Variants in RYR3 observed in about 807,000 individuals in gnomAD.
RYR3 encodes brain ryanodine receptor-calcium release channel.
A neutral mutation model predicts 584.3 loss-of-function variants in RYR3; 207 were observed. The ratio of observed to expected loss-of-function variants is 0.35; its 90% CI spans 0.32 to 0.40. The LOEUF is 0.40. RYR3 is among the 10% of genes least tolerant of loss of function. RYR3 has a pLI of 1.00. For synonymous variants in RYR3, 2,416 were observed against 2,248.5 expected, an observed-to-expected ratio of 1.07 and a Z score of -2.11; for missense variants, 5,616 against 6,089.2, an observed-to-expected ratio of 0.92 and a Z score of 2.59.
rs944426724 is a variant in RYR3, at chr15:33,790,343, G to A, written c.9830+1885G>A. 2.6e-5 allele frequency among the ~76,000 whole-genome samples: 4 copies of A among 152,060 alleles called. No homozygotes were observed. In the East Asian group the frequency reaches 7.7e-4, roughly 29 times the overall value. ...GTTTGTTTTTCTGTAAGTTGATGGT[G>A]GCTGAGGCCAAGATGGTAGCAGTGA... On this transcript the variant is annotated intron_variant, in intron 67 of 103. Transcript: ENST00000634891.
At chr15:33,774,447 T>C (rs960127831) in intron 64 of RYR3, among the ~76,000 whole-genome samples, 3 of 152,220 alleles carry the variant, frequency 2.0e-5, no homozygotes, top group African/African-American at 7.2e-5. Context: ...GTATAATGCT[T>C]TTATCAAACA....
At chr15:33,372,904 C>T (rs2040445631) in intron 1 of RYR3, among the ~76,000 whole-genome samples, 1 of 152,218 alleles carries the variant, frequency 6.6e-6, no homozygotes, top group African/African-American at 2.4e-5. Flanking sequence ...TCTCCAAAGT[C>T]ATAAGAATTG....
chr15:33,653,994 A>G lies in RYR3; in HGVS notation c.4308+1111A>G, dbSNP rs151284354. 1.4e-4 allele frequency among the ~76,000 whole-genome samples: 21 copies of G among 152,326 alleles called. 1 individual carries two copies. In the East Asian group the frequency reaches 1.9e-3, roughly 14 times the overall value. ...GCACTTTTTTTAATTTTAAGAATCA[A>G]TAATGTTCTATGAACCTAGAGTTCC... On this transcript the variant is annotated intron_variant, in intron 32 of 103. Coordinates refer to ENST00000634891, the MANE Select transcript of RYR3 (RefSeq NM_001036.6).
rs1301314444 is a variant in RYR3, at chr15:33,773,453, A to G, written c.9056-81A>G. On this transcript the variant is annotated intron_variant, in intron 63 of 103. Transcript: ENST00000634891. ...GATCTTTTACTCTTTACTGATGCTC[A>G]TGCATTTTTTTTTTCCTCTTCATGG... 6.5e-6 allele frequency: 6 copies of G among 919,128 alleles called. No individual in the cohort carries two copies. In the South Asian group the frequency reaches 7.0e-5, roughly 11 times the overall value. 56.9% of individuals were successfully genotyped at this position (919,128 alleles called of 1,614,324 possible).
At chr15:33,496,272 T>C (rs1022222282) in intron 2 of RYR3, among the ~76,000 whole-genome samples, 3 of 152,154 alleles carry the variant, frequency 2.0e-5, no homozygotes, top group Admixed American at 1.3e-4. Flanking sequence ...GGGACCGAGT[T>C]CATCTCCACC....
intron 38 of RYR3, among the ~76,000 whole-genome samples, chr15:33,679,162 G>T (rs2339297): frequency 1.7e-4 from 16 of 94,904 alleles, no homozygotes; most frequent in Admixed American, 9.5e-5. Flanking sequence ...CCTCCCCCCC[G>T]CCCCCTGTAA....
chr15:33,745,941 G>A, intron 52 of RYR3, 127 bp from the exon 53 acceptor site: 1 of 686,418 alleles, frequency 1.5e-6, no homozygotes, highest in South Asian at 1.7e-5. Context: ...GCATTTTTGA[G>A]GAGAATTTCT....
At chr15:33,649,774 A>G (rs1210216622) in intron 31 of RYR3, among the ~76,000 whole-genome samples, 1 of 152,010 alleles carries the variant, frequency 6.6e-6, no homozygotes, top group Non-Finnish European at 1.5e-5. Flanking sequence ...GCATACCCAT[A>G]CCCTCCCACT....
intron 70 of RYR3, among the ~76,000 whole-genome samples, chr15:33,809,016 C>G (rs768502740): frequency 2.6e-5 from 4 of 152,186 alleles, no homozygotes; most frequent in Non-Finnish European, 5.9e-5. Context: ...GCAGCCGCCA[C>G]AAGTGCTGAA....
intron 1 of RYR3, among the ~76,000 whole-genome samples, chr15:33,424,278 A>G (rs141672073): frequency 1.9e-4 from 29 of 152,322 alleles, no homozygotes; most frequent in South Asian, 1.0e-3. Context: ...TTGCCTACCC[A>G]ACAGGGCTAT....
At chr15:33,350,224 T>C (rs977073186) in intron 1 of RYR3, among the ~76,000 whole-genome samples, 3 of 152,084 alleles carry the variant, frequency 2.0e-5, no homozygotes, top group Non-Finnish European at 4.4e-5. Flanking sequence ...CCTAAATATA[T>C]ATGCACCCAA....
chr15:33,477,575 TAAA>T (rs3084422), intron 2 of RYR3, among the ~76,000 whole-genome samples: 4 of 116,426 alleles, frequency 3.4e-5, no homozygotes, highest in Admixed American at 8.6e-5. Flanking sequence ...CTTGTTTTGT[TAAA>T]AAAAAAAAAA....
intron 32 of RYR3, among the ~76,000 whole-genome samples, chr15:33,653,617 C>G (rs970186140): frequency 1.3e-5 from 2 of 151,678 alleles, no homozygotes; most frequent in African/African-American, 4.8e-5. Context: ...TTGCAGTGAG[C>G]TGAGATCACA....
intron 1 of RYR3, among the ~76,000 whole-genome samples, chr15:33,351,038 G>A (rs998406087): frequency 3.9e-5 from 6 of 152,020 alleles, no homozygotes; most frequent in Admixed American, 1.3e-4. Flanking sequence ...AAAAAAGAGA[G>A]AAGAATCAAA....
At chr15:33,730,365 A>G (rs1312894450) in intron 47 of RYR3, among the ~76,000 whole-genome samples, 2 of 152,232 alleles carry the variant, frequency 1.3e-5, no homozygotes, top group Non-Finnish European at 2.9e-5. Context: ...TCATTAACAC[A>G]TAGACATTCA....
At chr15:33,505,728 G>A (rs139619950) in intron 3 of RYR3, among the ~76,000 whole-genome samples, 3,413 of 152,252 alleles carry the variant, frequency 0.022, 49 homozygotes, top group Non-Finnish European at 0.035. Flanking sequence ...TCCTGACCTC[G>A]TGATCTGCCC....
At chr15:33,544,776 A>G (rs577207666) in intron 8 of RYR3, among the ~76,000 whole-genome samples, 95 of 152,318 alleles carry the variant, frequency 6.2e-4, no homozygotes, top group African/African-American at 2.1e-3. Flanking sequence ...GATGTGACCC[A>G]GAAGGGTGCC....
rs930042403 is a variant in RYR3, at chr15:33,810,705, C to T, written c.10197+56C>T. 1.9e-6 allele frequency: 3 copies of T among 1,604,424 alleles called. No individual in the cohort carries two copies. In the African/African-American group the frequency reaches 4.0e-5, roughly 21 times the overall value. On this transcript the variant is annotated intron_variant, in intron 71 of 103. Transcript: ENST00000634891. ...GTGATCCACATGGTGCAGTGATAAG[C>T]ATTCAGCCCCTGAAGGGTTAGTCCT...
chr15:33,807,683 T>A (rs2076278977), intron 70 of RYR3, 114 bp downstream of exon 70: 1 of 1,068,666 alleles, frequency 9.4e-7, no homozygotes, highest in Admixed American at 2.0e-5. Context: ...TTTTCCCGCC[T>A]GGAGGTCCCC....
Sources: allele counts gnomAD v4.1 joint callset (sites outside exome capture counted in the v4.1 genomes callset), GRCh38; gene constraint gnomAD v4.1.1; transcripts MANE v1.5; gene names NCBI Gene and HGNC (gene_info 2026-07-23, HGNC 2026-07-21).